The following MCPH1 variants were observed in gnomAD, a reference collection of about 807,000 sequenced individuals.
MCPH1 encodes the protein microcephalin 1, also known as microcephalin.
A neutral mutation model predicts 84.5 loss-of-function variants in MCPH1; 104 were observed. The ratio of observed to expected loss-of-function variants is 1.23; its 90% confidence interval spans 1.05 to 1.45. The LOEUF (loss-of-function observed/expected upper bound fraction) is 1.45. MCPH1 is among the 40% of genes most tolerant of loss of function. The probability of loss-of-function intolerance (pLI) is 0.00; values close to 1 mark genes in which losing one functional copy is unlikely to be tolerated. For missense variants in MCPH1, 1,498 were observed against 1,005.7 expected, an observed-to-expected ratio of 1.49 and a Z score of -6.62; for synonymous variants, 514 against 366.8, an observed-to-expected ratio of 1.40 and a Z score of -4.58.
intron 11 of MCPH1, among the ~76,000 whole-genome samples, chr8:6,482,639 G>T (rs948357159): frequency 1.3e-5 from 2 of 152,184 alleles, no homozygotes. Flanking sequence ...GAGGTCAGAC[G>T]TGAGAACGTA....
At chr8:6,497,760 G>C (rs1056867743) in intron 11 of MCPH1, among the ~76,000 whole-genome samples, 2 of 152,140 alleles carry the variant, frequency 1.3e-5, no homozygotes, top group East Asian at 1.9e-4. Flanking sequence ...TTGCTATGAA[G>C]CTAAAGTGGC....
intron 13 of MCPH1, chr8:6,625,932 C>G: frequency 1.0e-6 from 1 of 984,446 alleles, no homozygotes; most frequent in Non-Finnish European, 1.2e-6. Context: ...AGTTTCTTTT[C>G]TTTTCCTTTC....
intron 4 of MCPH1, 64 bp from the exon 5 acceptor site, chr8:6,435,984 G>C: frequency 6.3e-7 from 1 of 1,590,372 alleles, no homozygotes; most frequent in South Asian, 1.2e-5. Flanking sequence ...GTATGCGAAA[G>C]GGCTTTTTCT....
At chr8:6,553,236 G>A (rs139374818) in intron 12 of MCPH1, among the ~76,000 whole-genome samples, 36 of 152,250 alleles carry the variant, frequency 2.4e-4, no homozygotes, top group African/African-American at 7.0e-4. Context: ...CTTTACTCTC[G>A]ATGTGGCTGT....
chr8:6,635,187 T>C (rs944600326), intron 13 of MCPH1: 5 of 152,216 alleles, frequency 3.3e-5, no homozygotes, highest in South Asian at 2.1e-4. Flanking sequence ...ATTTTTAACA[T>C]TGATAATGAG....
Position 6,588,470 on chromosome 8 carries a change from C to T in MCPH1, c.2215-32984C>T, listed in dbSNP as rs1158023593. Among the ~76,000 whole-genome samples, 4 of 152,168 alleles carry T rather than the reference C, an allele frequency of 2.6e-5. 1 individual carries two copies. Among genetic ancestry groups the T allele is most frequent in the Non-Finnish European group, 1.5e-5 (1 of 68,004 alleles). On this transcript the variant is annotated intron_variant, in intron 12 of 13. Transcript: ENST00000344683. ...CCAAGGTCTTTGGGGTAGGCTGAGCCCCTTCACCTCCCTGGGGACATGCTA... is the reference window on the plus strand; with the variant it reads ...CCAAGGTCTTTGGGGTAGGCTGAGCTCCTTCACCTCCCTGGGGACATGCTA...
intron 12 of MCPH1, among the ~76,000 whole-genome samples, chr8:6,559,173 G>A (rs1825118049): frequency 6.6e-6 from 1 of 151,646 alleles, no homozygotes; most frequent in Admixed American, 6.6e-5. Context: ...CAAGCCCTGG[G>A]TTTTATTGTT....
At chr8:6,540,600 G>A (rs1242002008) in intron 12 of MCPH1, among the ~76,000 whole-genome samples, 3 of 152,256 alleles carry the variant, frequency 2.0e-5, no homozygotes, top group East Asian at 1.9e-4. Context: ...GTCAGGCCAC[G>A]TCTGCATATA....
chr8:6,443,181 G>C (rs545390092), intron 7 of MCPH1, among the ~76,000 whole-genome samples: 1 of 152,310 alleles, frequency 6.6e-6, no homozygotes, highest in South Asian at 2.1e-4. Flanking sequence ...AGGTCAAACA[G>C]CTTGTCCAAG....
intron 1 of MCPH1, among the ~76,000 whole-genome samples, chr8:6,408,447 C>G (rs1326874420): frequency 6.6e-6 from 1 of 151,982 alleles, no homozygotes; most frequent in African/African-American, 2.4e-5. Context: ...GTCTTGAATT[C>G]CTAGCCTCAA....
intron 12 of MCPH1, among the ~76,000 whole-genome samples, chr8:6,504,245 G>A (rs1182978184): frequency 1.3e-5 from 2 of 149,338 alleles, no homozygotes; most frequent in African/African-American, 4.9e-5. Flanking sequence ...GTGAACCCGG[G>A]AGGCGGAGCT....
At chr8:6,449,857 C>A (rs539524490) in intron 8 of MCPH1, among the ~76,000 whole-genome samples, 1 of 152,284 alleles carries the variant, frequency 6.6e-6, no homozygotes, top group African/African-American at 2.4e-5. Context: ...TCTTCAACCA[C>A]CGAAAGTCAG....
intron 5 of MCPH1, among the ~76,000 whole-genome samples, chr8:6,437,579 C>G (rs566156472): frequency 6.6e-6 from 1 of 152,292 alleles, no homozygotes; most frequent in East Asian, 1.9e-4. Flanking sequence ...GGGTAGAACA[C>G]TTAGCCCACA....
chr8:6,544,660 T>C (rs1286292424), intron 12 of MCPH1, among the ~76,000 whole-genome samples: 1 of 152,198 alleles, frequency 6.6e-6, no homozygotes, highest in Non-Finnish European at 1.5e-5. Context: ...ACATATTTTA[T>C]TTCTATAGGA....
At chr8:6,438,618 C>G (rs1048215144) in intron 5 of MCPH1, among the ~76,000 whole-genome samples, 1 of 152,184 alleles carries the variant, frequency 6.6e-6, no homozygotes, top group Admixed American at 6.5e-5. Flanking sequence ...AATTGCATTC[C>G]AGCTTTACAA....
chr8:6,481,557 G>A (rs909871512), intron 11 of MCPH1, among the ~76,000 whole-genome samples: 11 of 152,188 alleles, frequency 7.2e-5, no homozygotes, highest in South Asian at 2.1e-4. Flanking sequence ...TGTGGTATCC[G>A]TCTTCCCTCC....
At chr8:6,593,367 G>A (rs1424029130) in intron 12 of MCPH1, among the ~76,000 whole-genome samples, 2 of 141,188 alleles carry the variant, frequency 1.4e-5, no homozygotes, top group African/African-American at 2.7e-5. Flanking sequence ...ATAGGCATAA[G>A]CCACCAAACT....
chr8:6,476,976 GATTATATATTTCTATAGC>G (rs1213321884), intron 9 of MCPH1, among the ~76,000 whole-genome samples: 1 of 151,964 alleles, frequency 6.6e-6, no homozygotes, highest in Non-Finnish European at 1.5e-5. Flanking sequence ...TTGTGTTTCT[GATTATATATTTCTATAGC>G]ATTTAAATTT....
Position 6,420,639 on chromosome 8 carries a change from A to G in MCPH1, c.233+5756A>G, listed in dbSNP as rs190475432. On this transcript the variant is annotated intron_variant, in intron 3 of 13. Coordinates refer to ENST00000344683, the MANE Select transcript of MCPH1 (RefSeq NM_024596.5). ...ATGGCTTATTGATTTTTATCTCAAAATCGATCTCTCATAGATCTTTATCTC... is the reference window on the plus strand; with the variant it reads ...ATGGCTTATTGATTTTTATCTCAAAGTCGATCTCTCATAGATCTTTATCTC... 2.5e-3 allele frequency among the ~76,000 whole-genome samples: 384 copies of G among 152,204 alleles called. 3 individuals carry two copies. The highest frequency in any genetic ancestry group is 2.0e-3 in the Admixed American group (30 of 15,286).
Sources: allele counts gnomAD v4.1 joint callset (sites outside exome capture counted in the v4.1 genomes callset), GRCh38; gene constraint gnomAD v4.1.1; transcripts MANE v1.5; gene names NCBI Gene and HGNC (gene_info 2026-07-23, HGNC 2026-07-21).